Variants in GNB1 observed in about 807,000 individuals in gnomAD.
GNB1 encodes the protein G protein subunit beta 1.
In GNB1, 2 loss-of-function variants were observed where a neutral mutation model predicts 42.9. That is an observed-to-expected ratio of 0.05 (90% CI 0.02 to 0.15). The LOEUF (loss-of-function observed/expected upper bound fraction) is 0.15. Ranked by LOEUF, GNB1 falls within the 10% of genes least tolerant of loss-of-function variation. The pLI is 1.00. For synonymous variants in GNB1, 183 were observed against 174.7 expected, an observed-to-expected ratio of 1.05 and a Z score of -0.38; for missense variants, 193 against 462.2, an observed-to-expected ratio of 0.42 and a Z score of 5.34.
chr1:1,812,828 C>A (rs998946659), intron 5 of GNB1, among the ~76,000 whole-genome samples: 4 of 148,642 alleles, frequency 2.7e-5, no homozygotes, highest in African/African-American at 1.0e-4. Context: ...CCCCACCCAC[C>A]CTGAGCCCCC....
intron 1 of GNB1, among the ~76,000 whole-genome samples, chr1:1,890,078 C>CGCGGG (rs1283205629): frequency 2.0e-5 from 3 of 152,190 alleles, no homozygotes; most frequent in East Asian, 1.9e-4. Context: ...CCCATTCATT[C>CGCGGG]GCGGGGCCGG....
chr1:1,817,947 G>T, intron 3 of GNB1, 72 bp from the exon 4 acceptor site: 1 of 1,162,058 alleles, frequency 8.6e-7, no homozygotes, highest in Non-Finnish European at 1.3e-6. Context: ...ACATACCAAA[G>T]TTTCAAAGAG....
intron 1 of GNB1, among the ~76,000 whole-genome samples, chr1:1,871,527 G>A (rs1557944284): frequency 6.6e-6 from 1 of 151,826 alleles, no homozygotes; most frequent in Non-Finnish European, 1.5e-5. Flanking sequence ...CCACCTCTCC[G>A]TGTCTCCTCG....
In GNB1 at chr1:1,825,493, G is replaced by C; in HGVS notation, c.-40C>G. The C allele has an allele frequency of 7.1e-7, 1 of 1,409,098 alleles. No homozygotes were observed. Among genetic ancestry groups the C allele is most frequent in the South Asian group, 1.2e-5 (1 of 86,846 alleles). The allele number at this position is 1,409,098 out of a possible 1,614,324, so 87.3% of individuals were successfully genotyped here. ...GCTCTTCAATGCCACCTTCAAGAAT[G>C]TGAGATCTGAAACAGAAAGACAAGC... On this transcript the variant is annotated 5_prime_UTR_variant, in exon 3 of 12. Coordinates refer to ENST00000378609, the MANE Select transcript of GNB1 (RefSeq NM_002074.5).
intron 10 of GNB1, 175 bp downstream of exon 10, chr1:1,788,878 T>C: frequency 1.7e-6 from 1 of 581,720 alleles, no homozygotes; most frequent in Non-Finnish European, 3.1e-6. Flanking sequence ...CTCCTCGGAG[T>C]CCACTTGCCT....
chr1:1,890,747 G>A (rs1650459014), intron 1 of GNB1, 73 bp downstream of exon 1: 2 of 148,408 alleles, frequency 1.3e-5, no homozygotes, highest in South Asian at 4.2e-4. Flanking sequence ...GGGTGGGGGC[G>A]GGGCGGGCGC....
At position 1,846,437 on chromosome 1, in the gene GNB1, G is replaced by A. The variant is rs547475391; in HGVS notation, c.-95-7199C>T. 3.3e-5 allele frequency among the ~76,000 whole-genome samples: 5 copies of A among 152,188 alleles called. No homozygotes were observed. In the South Asian group the frequency reaches 1.0e-3, roughly 32 times the overall value. On this transcript the variant is annotated intron_variant, in intron 1 of 11. Transcript: ENST00000378609. ...AAAAAATTAGCCAGGCGTGGTGGCT[G>A]GCACCTGTAATCCCAGCTACTCGGG... is the stretch of plus-strand genomic sequence containing the variant.
intron 7 of GNB1, among the ~76,000 whole-genome samples, chr1:1,801,639 A>T (rs1350862289): frequency 6.6e-6 from 1 of 152,204 alleles, no homozygotes; most frequent in Non-Finnish European, 1.5e-5. Context: ...AAAGTAAAAT[A>T]GATTTCTTTA....
chr1:1,804,513 C>T lies in GNB1; in HGVS notation c.336G>A (p.Val112=). The T allele has an allele frequency of 6.2e-7, 1 of 1,613,516 alleles. No homozygotes were observed. The highest frequency in any genetic ancestry group is 8.5e-7 in the Non-Finnish European group (1 of 1,179,514). The change falls in exon 7 of 12, where the codon GTG becomes GTA. Residue 112 remains valine (V), a synonymous_variant. Transcript: ENST00000378609. ...TCAYAPSGNY[V]ACGGLDNICS... Reference sequence around the variant, plus strand: ...AAATGTTATCCAGGCCACCGCAGGCCACATAGTTCCCAGAAGGGGCATATG... The same window carrying T: ...AAATGTTATCCAGGCCACCGCAGGCTACATAGTTCCCAGAAGGGGCATATG...
At chr1:1,872,397 A>C (rs887556724) in intron 1 of GNB1, among the ~76,000 whole-genome samples, 1 of 152,208 alleles carries the variant, frequency 6.6e-6, no homozygotes, top group African/African-American at 2.4e-5. Context: ...AGAATGCACC[A>C]TCTGCACGAG....
intron 1 of GNB1, among the ~76,000 whole-genome samples, chr1:1,868,183 GTT>G (rs553565942): frequency 6.7e-6 from 1 of 150,252 alleles, no homozygotes; most frequent in Non-Finnish European, 1.5e-5. Flanking sequence ...TTGTTTTTTT[GTT>G]TTTTTTTGAG....
intron 1 of GNB1, among the ~76,000 whole-genome samples, chr1:1,844,713 CA>C (rs1647525827): frequency 6.6e-6 from 1 of 152,150 alleles, no homozygotes. Flanking sequence ...CTGAGATACC[CA>C]AACCAGAATA....
At chr1:1,864,935 T>C (rs1308219683) in intron 1 of GNB1, among the ~76,000 whole-genome samples, 2 of 152,210 alleles carry the variant, frequency 1.3e-5, no homozygotes, top group Non-Finnish European at 2.9e-5. Flanking sequence ...TACAGAGTTA[T>C]GAAGAGTATT....
At chr1:1,820,263 C>A (rs1465678802) in intron 3 of GNB1, among the ~76,000 whole-genome samples, 1 of 147,342 alleles carries the variant, frequency 6.8e-6, no homozygotes, top group Non-Finnish European at 1.5e-5. Flanking sequence ...GAGGCTGAGG[C>A]AGGAGAATCG....
At position 1,787,953 on chromosome 1, in the gene GNB1, C is replaced by T. The variant is rs558750106; in HGVS notation, c.917-516G>A. 6.6e-6 allele frequency: 1 copy of T among 151,042 alleles called. No individual in the cohort carries two copies. The highest frequency in any genetic ancestry group is 2.4e-5 in the African/African-American group (1 of 41,016). 9.4% of individuals were successfully genotyped at this position (151,042 alleles called of 1,614,324 possible). A position where few individuals can be genotyped will look rare whatever the true frequency, so the allele number is the denominator to read the frequency against. On this transcript the variant is annotated intron_variant, in intron 10 of 11. Transcript: ENST00000378609. The surrounding 1 kb of genome is among the most constrained non-coding windows in gnomAD (Gnocchi z 4.4). Reference sequence around the variant, plus strand: ...CTAGGGTAGGAGAATCATTGGAACCCAGGAGGTGGAGCTTGCAGTGAGCCA... The same window carrying T: ...CTAGGGTAGGAGAATCATTGGAACCTAGGAGGTGGAGCTTGCAGTGAGCCA...
intron 1 of GNB1, among the ~76,000 whole-genome samples, chr1:1,849,562 C>T (rs911566470): frequency 6.6e-6 from 1 of 152,082 alleles, no homozygotes; most frequent in South Asian, 2.1e-4. Flanking sequence ...ACCGCCAGAG[C>T]ACCTGGATAA....
At chr1:1,884,125 C>T (rs922874574) in intron 1 of GNB1, among the ~76,000 whole-genome samples, 11 of 151,416 alleles carry the variant, frequency 7.3e-5, no homozygotes, top group Non-Finnish European at 1.5e-4. Flanking sequence ...GCCACCATGC[C>T]CGACTAATTT....
At chr1:1,797,823 G>A (rs1394255878) in intron 7 of GNB1, among the ~76,000 whole-genome samples, 3 of 152,196 alleles carry the variant, frequency 2.0e-5, no homozygotes, top group Non-Finnish European at 4.4e-5. Context: ...TTGGGAGCAG[G>A]GGCAAGGAGA....
chr1:1,879,481 C>T (rs6673553), intron 1 of GNB1, among the ~76,000 whole-genome samples: 8 of 152,096 alleles, frequency 5.3e-5, no homozygotes, highest in Non-Finnish European at 1.2e-4. Flanking sequence ...CCGAGGCGGG[C>T]AGATCACGAG....
Sources: allele counts gnomAD v4.1 joint callset (sites outside exome capture counted in the v4.1 genomes callset), GRCh38; gene constraint gnomAD v4.1.1; non-coding constraint Gnocchi (gnomAD v3.1); transcripts MANE v1.5; gene names NCBI Gene and HGNC (gene_info 2026-07-23, HGNC 2026-07-21).